ARID4B: variants seen among roughly 807,000 people sequenced by gnomAD.
ARID4B encodes the protein AT-rich interactive domain-containing protein 4B.
Under a neutral mutation model 147.5 loss-of-function variants are expected in ARID4B, and 26 were observed. The observed-to-expected ratio is 0.18, with a 90% CI of 0.13 to 0.24. The LOEUF (loss-of-function observed/expected upper bound fraction) is 0.24. ARID4B is among the 10% of genes least tolerant of loss of function. The pLI, the probability that ARID4B is intolerant of heterozygous loss-of-function variation, is 1.00. For synonymous variants in ARID4B, 512 were observed against 507.9 expected (o/e 1.01, Z -0.11); for missense variants, 1,179 against 1,511.5 (o/e 0.78, Z 3.65).
Position 235,255,647 on chromosome 1 carries a change from T to C in ARID4B, c.274+13A>G. The C allele has an allele frequency of 6.5e-6, 10 of 1,537,356 alleles. No individual in the cohort carries two copies. Among genetic ancestry groups the C allele is most frequent in the Non-Finnish European group, 8.8e-6 (10 of 1,138,850 alleles). ...CTAAAAACACATTTTTAAAAGAAAA[T>C]TTATTTTCTTACCTACAGTGTACCA... On this transcript the variant is annotated intron_variant, in intron 5 of 23. Transcript: ENST00000264183.
intron 2 of ARID4B, among the ~76,000 whole-genome samples, chr1:235,319,384 C>A (rs1461076401): frequency 1.3e-5 from 2 of 152,108 alleles, no homozygotes; most frequent in African/African-American, 4.8e-5. Flanking sequence ...TGGTGCCGTG[C>A]ACCTCTGGTC....
intron 8 of ARID4B, among the ~76,000 whole-genome samples, chr1:235,236,860 ATATTTTTT>A (rs1319342566): frequency 4.9e-5 from 1 of 20,416 alleles, no homozygotes. Context: ...ATATATATAT[ATATTTTTT>A]TTTTTTTTTT....
At chr1:235,206,488 A>G (rs1285179047) in intron 17 of ARID4B, among the ~76,000 whole-genome samples, 2 of 152,204 alleles carry the variant, frequency 1.3e-5, no homozygotes, top group Admixed American at 1.3e-4. Context: ...TGTTAAATGG[A>G]TATCAGAAAG....
intron 16 of ARID4B, among the ~76,000 whole-genome samples, chr1:235,216,624 T>C (rs1252578567): frequency 6.6e-6 from 1 of 152,150 alleles, no homozygotes; most frequent in East Asian, 1.9e-4. Context: ...ATTACAGGCA[T>C]GAGCCACCGC....
At chr1:235,325,769 T>C (rs1251909123) in intron 2 of ARID4B, among the ~76,000 whole-genome samples, 4 of 152,114 alleles carry the variant, frequency 2.6e-5, no homozygotes, top group Admixed American at 2.0e-4. Flanking sequence ...GTTTACAGCA[T>C]CCCAAACTCA....
At chr1:235,287,751 C>A (rs1051574521) in intron 2 of ARID4B, among the ~76,000 whole-genome samples, 3 of 152,190 alleles carry the variant, frequency 2.0e-5, no homozygotes, top group Non-Finnish European at 2.9e-5. Flanking sequence ...CTTTCTTCAG[C>A]ATACAAATTA....
At chr1:235,268,593 A>T (rs2103136031) in intron 2 of ARID4B, among the ~76,000 whole-genome samples, 1 of 152,166 alleles carries the variant, frequency 6.6e-6, no homozygotes, top group South Asian at 2.1e-4. Flanking sequence ...CAATGGTGTG[A>T]TATCGGCTCA....
chr1:235,275,594 C>A (rs1407322447), intron 2 of ARID4B, among the ~76,000 whole-genome samples: 10 of 152,112 alleles, frequency 6.6e-5, no homozygotes, highest in Non-Finnish European at 1.5e-5. Flanking sequence ...ATGCTCTGTA[C>A]CCTTATAATA....
chr1:235,181,748 C>T lies in ARID4B; in HGVS notation c.3171G>A (p.Glu1057=). 2.5e-6 allele frequency: 4 copies of T among 1,614,142 alleles called. No homozygotes were observed. The highest frequency in any genetic ancestry group is 3.4e-6 in the Non-Finnish European group (4 of 1,180,040). The change falls in exon 20 of 24, where the codon GAG becomes GAA. Residue 1057 remains glutamate (E), a synonymous_variant. Coordinates refer to ENST00000264183, the MANE Select transcript of ARID4B (RefSeq NM_016374.6). ...VSEPLAPNQE[E]VRSIKSETDS... ...CAGTTTCACTCTTGATACTTCGAAC[C>T]TCTTCTTGGTTTGGAGCCAGTGGTT...
At chr1:235,207,837 T>C (rs553422100) in intron 17 of ARID4B, among the ~76,000 whole-genome samples, 95 of 152,370 alleles carry the variant, frequency 6.2e-4, no homozygotes, top group Middle Eastern at 6.8e-3. Context: ...TAAGAGGATT[T>C]AATTTGTTTG....
At chr1:235,179,681 A>G (rs1032666983) in intron 20 of ARID4B, among the ~76,000 whole-genome samples, 5 of 151,644 alleles carry the variant, frequency 3.3e-5, no homozygotes, top group African/African-American at 1.2e-4. Flanking sequence ...GTGTTGACTT[A>G]GTCTATTAGC....
intron 8 of ARID4B, among the ~76,000 whole-genome samples, chr1:235,235,635 G>A (rs1482479513): frequency 6.6e-6 from 1 of 152,112 alleles, no homozygotes; most frequent in Admixed American, 6.6e-5. Flanking sequence ...AAAAGGAGAT[G>A]AGATCACCGT....
At chr1:235,272,983 T>A (rs2103151084) in intron 2 of ARID4B, among the ~76,000 whole-genome samples, 1 of 152,300 alleles carries the variant, frequency 6.6e-6, no homozygotes, top group Middle Eastern at 3.4e-3. Flanking sequence ...GTAGCAAATA[T>A]CCACAAGTGG....
At chr1:235,289,041 C>A (rs748400390) in intron 2 of ARID4B, among the ~76,000 whole-genome samples, 1 of 152,134 alleles carries the variant, frequency 6.6e-6, no homozygotes, top group Non-Finnish European at 1.5e-5. Context: ...AACACACAAC[C>A]CTGGCCCCAG....
At chr1:235,186,415 T>A (rs77490991) in intron 19 of ARID4B, among the ~76,000 whole-genome samples, 10 of 142,366 alleles carry the variant, frequency 7.0e-5, no homozygotes, top group Non-Finnish European at 1.2e-4. Context: ...TTGCTTATTT[T>A]TTTTTTTTTT....
Position 235,181,836 on chromosome 1 carries a change from T to C in ARID4B, c.3083A>G (p.Glu1028Gly), listed in dbSNP as rs1421381365. 7 of 1,614,078 alleles carry C rather than the reference T, an allele frequency of 4.3e-6. No homozygotes were observed. The highest frequency in any genetic ancestry group is 5.9e-6 in the Non-Finnish European group (7 of 1,180,044). ...TGTTACAGTGACTGATGAAGGCGAT[T>C]CAGGTGTAGTAGGAGGGGTATTTAG... ...SVLNTPPTTP[E>G]SPSSVTVTEG... The change falls in exon 20 of 24, where the codon GAA becomes GGA. Residue 1028 changes from glutamate (E) to glycine (G), a missense_variant. This residue lies in a region of ARID4B where 357 missense variants were observed against 427.3 expected (regional missense o/e 0.84). Coordinates refer to ENST00000264183, the MANE Select transcript of ARID4B (RefSeq NM_016374.6).
At chr1:235,206,536 G>A (rs1327581691) in intron 17 of ARID4B, among the ~76,000 whole-genome samples, 1 of 152,136 alleles carries the variant, frequency 6.6e-6, no homozygotes, top group Admixed American at 6.5e-5. Context: ...AACACATAAA[G>A]ATGAGGAAGA....
intron 7 of ARID4B, among the ~76,000 whole-genome samples, chr1:235,244,148 G>A (rs1669155987): frequency 6.6e-6 from 1 of 152,074 alleles, no homozygotes; most frequent in Non-Finnish European, 1.5e-5. Flanking sequence ...ACCAGGTATT[G>A]GGTAAATCTT....
chr1:235,303,804 G>A (rs1673357116), intron 2 of ARID4B, among the ~76,000 whole-genome samples: 1 of 152,106 alleles, frequency 6.6e-6, no homozygotes, highest in East Asian at 1.9e-4. Context: ...TAGGTGCACA[G>A]GTAATAAGCA....
Sources: gnomAD v4.1 joint callset for allele counts (sites outside exome capture counted in the v4.1 genomes callset) on GRCh38, gnomAD v4.1.1 for gene constraint, gnomAD v4.1.1 regional missense constraint, MANE v1.5 for transcripts, NCBI Gene and HGNC (gene_info 2026-07-23, HGNC 2026-07-21) for gene names.